PTER: variants seen among roughly 807,000 people sequenced by gnomAD.
PTER encodes phosphotriesterase related, also known as N-acetyltaurine hydrolase.
PTER carries 38 observed loss-of-function variants against 29.6 expected under a neutral mutation model. That is an observed-to-expected ratio of 1.28 (90% CI 0.99 to 1.68). The LOEUF (loss-of-function observed/expected upper bound fraction) is 1.68, where lower values mean the gene tolerates loss of function less well. PTER is among the 40% of genes most tolerant of loss of function. The pLI is 0.00. For synonymous variants in PTER, 172 were observed against 154.5 expected (o/e 1.11, Z -0.84); for missense variants, 482 against 427.8 (o/e 1.13, Z -1.12).
At chr10:16,517,323 A>G (rs1249161354), downstream of PTER, among the ~76,000 whole-genome samples, 1 of 152,232 alleles carries the variant, frequency 6.6e-6, no homozygotes, top group East Asian at 1.9e-4. Flanking sequence ...TAATAAGCGA[A>G]TACCAACCCA....
chr10:16,507,323 A>G (rs1836613360), intron 4 of PTER, among the ~76,000 whole-genome samples: 1 of 151,956 alleles, frequency 6.6e-6, no homozygotes, highest in African/African-American at 2.4e-5. Context: ...AAAATGTAAC[A>G]TGATCGGAGT....
chr10:16,469,059 A>G (rs919642892), intron 1 of PTER, among the ~76,000 whole-genome samples: 4 of 152,168 alleles, frequency 2.6e-5, no homozygotes, highest in African/African-American at 9.6e-5. Context: ...CCTAGAATTG[A>G]CATCTTACCT....
chr10:16,467,640 A>G (rs1357707582), intron 1 of PTER, among the ~76,000 whole-genome samples: 2 of 151,906 alleles, frequency 1.3e-5, no homozygotes, highest in South Asian at 4.1e-4. Context: ...GGTGAAACGC[A>G]GTCTCTACTA....
intron 1 of PTER, among the ~76,000 whole-genome samples, chr10:16,440,891 T>C (rs1833826337): frequency 6.6e-6 from 1 of 152,224 alleles, no homozygotes; most frequent in African/African-American, 2.4e-5. Context: ...ATGAATATTA[T>C]CAGATAAGCT....
chr10:16,518,848 G>GACT, the PTER span, among the ~76,000 whole-genome samples: 1 of 152,076 alleles, frequency 6.6e-6, no homozygotes, highest in Non-Finnish European at 1.5e-5. Context: ...CCTGCTGAGG[G>GACT]ACTGTTCATA....
chr10:16,456,862 T>TGGTGG (rs1554787512), intron 1 of PTER, among the ~76,000 whole-genome samples: 8 of 113,662 alleles, frequency 7.0e-5, no homozygotes, highest in African/African-American at 2.6e-4. Context: ...ATGGGGAAGG[T>TGGTGG]GGGGGGGGGT....
intron 1 of PTER, among the ~76,000 whole-genome samples, chr10:16,475,374 G>T (rs1437758763): frequency 6.6e-6 from 1 of 152,104 alleles, no homozygotes; most frequent in Non-Finnish European, 1.5e-5. Context: ...CGGCCTCAAG[G>T]CTGAAATGAC....
chr10:16,477,258 C>CGATAGATAGATAGATAGATAGATA (rs56294482), intron 1 of PTER, among the ~76,000 whole-genome samples: 59 of 148,002 alleles, frequency 4.0e-4, no homozygotes, highest in African/African-American at 6.9e-4. Context: ...TTCTGTCTTT[C>CGATAGATAGATAGATAGATAGATA]GATAGATAGA....
chr10:16,454,648 G>C (rs1228319604), intron 1 of PTER, among the ~76,000 whole-genome samples: 1 of 149,628 alleles, frequency 6.7e-6, no homozygotes, highest in Non-Finnish European at 1.5e-5. Flanking sequence ...TAATATACGT[G>C]AACAAGAGAG....
intron 1 of PTER, among the ~76,000 whole-genome samples, chr10:16,468,983 A>G (rs945456514): frequency 6.6e-6 from 1 of 152,132 alleles, no homozygotes; most frequent in Non-Finnish European, 1.5e-5. Context: ...TCTTAAAAAA[A>G]AAAGCCAAAA....
At chr10:16,495,904 G>T (rs139061470) in intron 3 of PTER, among the ~76,000 whole-genome samples, 2 of 152,232 alleles carry the variant, frequency 1.3e-5, no homozygotes, top group East Asian at 1.9e-4. Flanking sequence ...CCAGTCTATT[G>T]TGAGTTTCAC....
chr10:16,455,570 G>A (rs1834364639), intron 1 of PTER, among the ~76,000 whole-genome samples: 1 of 151,876 alleles, frequency 6.6e-6, no homozygotes, highest in Non-Finnish European at 1.5e-5. Flanking sequence ...ATATTTCTGT[G>A]GTCCCAGCTA....
intron 1 of PTER, among the ~76,000 whole-genome samples, chr10:16,443,031 T>C (rs986221094): frequency 2.0e-5 from 3 of 152,124 alleles, no homozygotes; most frequent in Admixed American, 1.3e-4. Flanking sequence ...TTAAGGGCCA[T>C]TTCTGTAGCT....
Position 16,513,655 on chromosome 10 carries a change from T to C in PTER, c.*2399T>C, listed in dbSNP as rs1232050860. The C allele has an allele frequency of 1.3e-5, 2 of 152,608 alleles. No homozygotes were observed. Among genetic ancestry groups the C allele is most frequent in the Non-Finnish European group, 2.9e-5 (2 of 68,002 alleles). 9.5% of individuals were successfully genotyped at this position (152,608 alleles called of 1,614,324 possible). A position where few individuals can be genotyped will look rare whatever the true frequency, so the allele number is the denominator to read the frequency against. On this transcript the variant is annotated 3_prime_UTR_variant, in exon 5 of 5. Coordinates refer to ENST00000535784, the MANE Select transcript of PTER (RefSeq NM_001261836.2). ...CAGCTCAAATTAAACCTTTGTGCAT[T>C]GGGTTATGAATAATCTTTTCTTCCA... is the stretch of plus-strand genomic sequence containing the variant.
intron 1 of PTER, among the ~76,000 whole-genome samples, chr10:16,458,053 G>C (rs903827998): frequency 6.6e-6 from 1 of 152,166 alleles, no homozygotes; most frequent in African/African-American, 2.4e-5. Flanking sequence ...GAGAGGGTCT[G>C]ACCCAATTTA....
intron 1 of PTER, among the ~76,000 whole-genome samples, chr10:16,472,216 T>C (rs7076592): frequency 0.18 from 26,766 of 152,176 alleles, 4,580 homozygotes; most frequent in African/African-American, 0.44. Flanking sequence ...GTGTTTCTCG[T>C]ATTGCTAGTA....
intron 3 of PTER, among the ~76,000 whole-genome samples, chr10:16,499,832 A>C (rs1836264982): frequency 6.6e-6 from 1 of 152,162 alleles, no homozygotes; most frequent in Non-Finnish European, 1.5e-5. Flanking sequence ...TCAGAAAAAA[A>C]ACTGCATATA....
intron 1 of PTER, among the ~76,000 whole-genome samples, chr10:16,472,199 T>C (rs11254007): frequency 0.12 from 18,078 of 152,192 alleles, 1,689 homozygotes; most frequent in African/African-American, 0.25. Context: ...TTGCAGTTGG[T>C]TATTTGGTGT....
chr10:16,495,787 A>C lies in PTER; in HGVS notation c.698+9170A>C, dbSNP rs545214854. On this transcript the variant is annotated intron_variant, in intron 3 of 4. Coordinates refer to ENST00000535784, the MANE Select transcript of PTER (RefSeq NM_001261836.2). Reference sequence around the variant, plus strand: ...CAAAGCTCAGCACAATGGAAAGGGCACTAGATTAGGAGTTGGAATACCTGC... The same window carrying C: ...CAAAGCTCAGCACAATGGAAAGGGCCCTAGATTAGGAGTTGGAATACCTGC... Among the ~76,000 whole-genome samples, 102 of 152,310 alleles carry C rather than the reference A, an allele frequency of 6.7e-4. 1 individual carries two copies. Among genetic ancestry groups the C allele is most frequent in the Middle Eastern group, 3.4e-3 (1 of 294 alleles).
Sources: allele counts gnomAD v4.1 joint callset (sites outside exome capture counted in the v4.1 genomes callset), GRCh38; gene constraint gnomAD v4.1.1; transcripts MANE v1.5; gene names NCBI Gene and HGNC (gene_info 2026-07-23, HGNC 2026-07-21).